PIK3R6: variants seen among roughly 807,000 people sequenced by gnomAD.
PIK3R6 encodes phosphoinositide-3-kinase regulatory subunit 6, also known as phosphoinositide 3-kinase regulatory subunit 6.
Under a neutral mutation model 84.9 loss-of-function variants are expected in PIK3R6, and 91 were observed. The ratio of observed to expected loss-of-function variants is 1.07; its 90% CI spans 0.90 to 1.28. The LOEUF (loss-of-function observed/expected upper bound fraction) is 1.28. Among genes scored for constraint, PIK3R6 ranks in the 50% most tolerant of loss-of-function variants. The pLI, the probability that PIK3R6 is intolerant of heterozygous loss-of-function variation, is 0.00. For missense variants in PIK3R6, 996 were observed against 985.1 expected (o/e 1.01, Z -0.15); for synonymous variants, 416 against 411.4 (o/e 1.01, Z -0.13).
At chr17:8,817,809 G>T (rs2087590840) in intron 18 of PIK3R6, among the ~76,000 whole-genome samples, 1 of 152,152 alleles carries the variant, frequency 6.6e-6, no homozygotes, top group Non-Finnish European at 1.5e-5. Flanking sequence ...TAAGGGGCTG[G>T]AAACTCTTCT....
intron 2 of PIK3R6, among the ~76,000 whole-genome samples, chr17:8,845,174 G>A (rs2088787190): frequency 6.6e-6 from 1 of 152,240 alleles, no homozygotes; most frequent in South Asian, 2.1e-4. Context: ...TTTGTTTTTG[G>A]GGGGATATAT....
rs569710842 is a variant in PIK3R6, at chr17:8,859,660, T to A, written c.-92+7869A>T. On this transcript the variant is annotated intron_variant, in intron 1 of 19. Coordinates refer to ENST00000619866, the MANE Select transcript of PIK3R6 (RefSeq NM_001010855.4). ...GAGAAGAGGGAGGAGGAAGGGCAGA[T>A]GTGCTCTCTGTGCTTCAGCTGGGAC... Among the ~76,000 whole-genome samples the A allele has an allele frequency of 4.6e-5, 7 of 152,302 alleles. 1 individual carries two copies. The highest frequency in any genetic ancestry group is 1.7e-4 in the African/African-American group (7 of 41,566).
At chr17:8,814,328 T>C (rs2087459092) in intron 18 of PIK3R6, among the ~76,000 whole-genome samples, 2 of 146,312 alleles carry the variant, frequency 1.4e-5, no homozygotes, top group Admixed American at 1.5e-4. Context: ...CAAATGATTC[T>C]CCTGCCTCAG....
intron 1 of PIK3R6, among the ~76,000 whole-genome samples, chr17:8,861,482 A>G (rs2089283893): frequency 6.6e-6 from 1 of 152,210 alleles, no homozygotes; most frequent in Non-Finnish European, 1.5e-5. Context: ...GAAAAATTCT[A>G]GAAAGAAATG....
intron 18 of PIK3R6, among the ~76,000 whole-genome samples, chr17:8,817,312 T>C (rs555011197): frequency 6.6e-6 from 1 of 152,314 alleles, no homozygotes; most frequent in South Asian, 2.1e-4. Context: ...TTTTTTATAT[T>C]TTCCAAAATA....
rs777834946 is a variant in PIK3R6 at position 8,849,764 on chromosome 17, T to TC, written c.13+17dup. 1.2e-6 allele frequency: 2 copies of TC among 1,610,064 alleles called. No individual in the cohort carries two copies. The highest frequency in any genetic ancestry group is 1.3e-5 in the African/African-American group (1 of 74,792). ...CGGCAGCAGGCTCACTAGACCCCTTTCCCCCCACCACACTGACCTGAGCTC... is the reference window on the plus strand; with the variant it reads ...CGGCAGCAGGCTCACTAGACCCCTTTCCCCCCCACCACACTGACCTGAGCTC... On this transcript the variant is annotated intron_variant, in intron 2 of 19. Coordinates refer to ENST00000619866, the MANE Select transcript of PIK3R6 (RefSeq NM_001010855.4).
intron 18 of PIK3R6, among the ~76,000 whole-genome samples, chr17:8,808,603 G>A (rs2087269321): frequency 6.6e-6 from 1 of 152,210 alleles, no homozygotes; most frequent in African/African-American, 2.4e-5. Context: ...TGAGTTTGTG[G>A]TATTGTGGGA....
rs1413411480 is a variant in PIK3R6, at chr17:8,803,704, C to T, written c.2109-275G>A. The T allele has an allele frequency of 3.6e-6, 2 of 548,982 alleles. No individual in the cohort carries two copies. The highest frequency in any genetic ancestry group is 3.3e-5 in the Admixed American group (1 of 30,058). The allele number at this position is 548,982 out of a possible 1,614,324, so 34.0% of individuals were successfully genotyped here. A position where few individuals can be genotyped will look rare whatever the true frequency, so the allele number is the denominator to read the frequency against. ...GGGGAAGCCAGTAAGGGTCAGCTAA[C>T]TGGAACACAGATGCCACAGGTCAGC... On this transcript the variant is annotated intron_variant, in intron 19 of 19. Coordinates refer to ENST00000619866, the MANE Select transcript of PIK3R6 (RefSeq NM_001010855.4). This position sits in a 1 kb window ranked among gnomAD's most constrained non-coding sequence, Gnocchi z 5.0.
At chr17:8,804,258 G>A (rs1283204878) in intron 18 of PIK3R6, 105 bp from the exon 19 acceptor site, 12 of 900,872 alleles carry the variant, frequency 1.3e-5, no homozygotes, top group Non-Finnish European at 2.0e-5. Flanking sequence ...TCCAGCACAT[G>A]GGGTCCCCAG....
At chr17:8,857,900 CAAAAAA>C (rs531309380) in intron 1 of PIK3R6, among the ~76,000 whole-genome samples, 2 of 93,888 alleles carry the variant, frequency 2.1e-5, no homozygotes. Context: ...AACTCTGTCT[CAAAAAA>C]AAAAAAAAAA....
intron 9 of PIK3R6, among the ~76,000 whole-genome samples, chr17:8,830,049 A>T (rs1000292210): frequency 7.2e-5 from 11 of 152,096 alleles, no homozygotes; most frequent in Non-Finnish European, 1.6e-4. Flanking sequence ...GTCTTCACAA[A>T]CCAGCTCACA....
intron 1 of PIK3R6, among the ~76,000 whole-genome samples, chr17:8,851,905 A>G (rs1002369154): frequency 3.3e-5 from 5 of 152,252 alleles, no homozygotes; most frequent in African/African-American, 7.2e-5. Flanking sequence ...TAAACAAAAT[A>G]TGATTTATAC....
At chr17:8,858,629 G>C (rs1567615088) in intron 1 of PIK3R6, among the ~76,000 whole-genome samples, 1 of 152,120 alleles carries the variant, frequency 6.6e-6, no homozygotes, top group Non-Finnish European at 1.5e-5. Context: ...TTCTCAATGA[G>C]TCTCAATGGA....
At position 8,827,217 on chromosome 17, in the gene PIK3R6, G is replaced by T; in HGVS notation, c.1470C>A (p.Ser490Arg). The T allele has an allele frequency of 6.2e-7, 1 of 1,609,634 alleles. No individual in the cohort carries two copies. Among genetic ancestry groups the T allele is most frequent in the Non-Finnish European group, 8.5e-7 (1 of 1,178,200 alleles). ...FLGRVDPWYQ[S>R]NVNTLCPAIH... ...TGGCGGGGCACAGCGTGTTGACGTT[G>T]CTCTGGTACCACGGGTCTACGCGGC... Residue 490 changes from serine to arginine, a missense_variant, in exon 13 of 20, where the codon AGC becomes AGA. By Grantham distance (110) the Ser-to-Arg change is moderately radical (BLOSUM62 -1). Coordinates refer to ENST00000619866, the MANE Select transcript of PIK3R6 (RefSeq NM_001010855.4).
chr17:8,807,268 G>A (rs1386209734), intron 18 of PIK3R6, among the ~76,000 whole-genome samples: 1 of 152,220 alleles, frequency 6.6e-6, no homozygotes, highest in Admixed American at 6.5e-5. Context: ...GATCTAGGAT[G>A]AGGTGGAAGG....
At chr17:8,837,679 G>T in intron 5 of PIK3R6, 124 bp downstream of exon 5, 1 of 810,698 alleles carries the variant, frequency 1.2e-6, no homozygotes, top group Non-Finnish European at 2.0e-6. Context: ...CCAGTTTAGG[G>T]CAGGCAATCC....
At chr17:8,804,208 G>A (rs2087132173) in intron 18 of PIK3R6, 55 bp from the exon 19 acceptor site, 1 of 1,407,538 alleles carries the variant, frequency 7.1e-7, no homozygotes, top group Non-Finnish European at 1.0e-6. Context: ...AGGTGGCCCT[G>A]CCAACATGCC....
At chr17:8,817,988 A>G (rs2087599473) in intron 18 of PIK3R6, among the ~76,000 whole-genome samples, 1 of 146,816 alleles carries the variant, frequency 6.8e-6, no homozygotes, top group Non-Finnish European at 1.5e-5. Flanking sequence ...GGAGCAGTGG[A>G]GAGGAAGAGG....
intron 2 of PIK3R6, 92 bp downstream of exon 2, chr17:8,849,690 C>T (rs934764781): frequency 2.9e-6 from 4 of 1,392,294 alleles, no homozygotes; most frequent in Non-Finnish European, 3.8e-6. Context: ...TGCAGGGGGT[C>T]CTGCCAGCCC....
Sources: allele counts gnomAD v4.1 joint callset (sites outside exome capture counted in the v4.1 genomes callset), GRCh38; gene constraint gnomAD v4.1.1; non-coding constraint Gnocchi (gnomAD v3.1); transcripts MANE v1.5; gene names NCBI Gene and HGNC (gene_info 2026-07-23, HGNC 2026-07-21).